The following ST18 variants were observed in gnomAD, a reference collection of about 807,000 sequenced individuals.
ST18 encodes suppression of tumorigenicity 18 protein.
A neutral mutation model predicts 110.0 loss-of-function variants in ST18; 50 were observed. The ratio of observed to expected loss-of-function variants is 0.45; its 90% confidence interval spans 0.36 to 0.58. The LOEUF is 0.58. ST18 is among the 20% of genes least tolerant of loss of function. ST18 has a pLI of 0.00. For synonymous variants in ST18, 461 were observed against 452.4 expected, an observed-to-expected ratio of 1.02 and a Z score of -0.24; for missense variants, 1,306 against 1,280.1, an observed-to-expected ratio of 1.02 and a Z score of -0.31.
intron 2 of ST18, among the ~76,000 whole-genome samples, chr8:52,318,578 T>C (rs896168386): frequency 1.3e-5 from 2 of 152,202 alleles, no homozygotes; most frequent in Admixed American, 6.5e-5. Context: ...ATTGTTCTAT[T>C]ATAAAGACAC....
At chr8:52,247,933 C>A (rs1321664754) in intron 2 of ST18, among the ~76,000 whole-genome samples, 1 of 152,106 alleles carries the variant, frequency 6.6e-6, no homozygotes, top group Non-Finnish European at 1.5e-5. Flanking sequence ...TAATTTCTGG[C>A]TATTGTTAAA....
chr8:52,311,126 G>T (rs186094742), intron 2 of ST18, among the ~76,000 whole-genome samples: 9 of 152,304 alleles, frequency 5.9e-5, no homozygotes, highest in Admixed American at 5.2e-4. Context: ...TAGGGAAGGG[G>T]TCCATTGTCA....
chr8:52,234,499 A>G (rs1347349973), intron 2 of ST18, among the ~76,000 whole-genome samples: 1 of 152,018 alleles, frequency 6.6e-6, no homozygotes, highest in African/African-American at 2.4e-5. Context: ...TCCTGACCTC[A>G]TAATCCATCC....
chr8:52,194,715 C>T (rs1005191719), intron 8 of ST18: 1 of 152,194 alleles, frequency 6.6e-6, no homozygotes, highest in African/African-American at 2.4e-5. Flanking sequence ...TTTTGCAAGA[C>T]AGTCAAAGAA....
At chr8:52,126,534 T>A (rs1309602068) in intron 22 of ST18, among the ~76,000 whole-genome samples, 1 of 152,234 alleles carries the variant, frequency 6.6e-6, no homozygotes, top group Non-Finnish European at 1.5e-5. Flanking sequence ...CAAAATTCCA[T>A]GAGTAATAAA....
At chr8:52,207,644 T>A (rs1020945563) in intron 8 of ST18, among the ~76,000 whole-genome samples, 1 of 152,134 alleles carries the variant, frequency 6.6e-6, no homozygotes, top group Non-Finnish European at 1.5e-5. Flanking sequence ...GAGAGAAACT[T>A]AAATTAAAAC....
chr8:52,209,787 AAATATAT>A (rs1359477809), intron 8 of ST18, among the ~76,000 whole-genome samples: 1 of 135,614 alleles, frequency 7.4e-6, no homozygotes, highest in African/African-American at 2.9e-5. Context: ...AAAAAAAAAA[AAATATAT>A]ATATATATAT....
chr8:52,359,250 G>A (rs1824580359), intron 2 of ST18, among the ~76,000 whole-genome samples: 2 of 151,950 alleles, frequency 1.3e-5, no homozygotes, highest in African/African-American at 4.8e-5. Flanking sequence ...GTGGTAAAAG[G>A]CATTTAAGCA....
chr8:52,145,116 C>G (rs2056800170), intron 16 of ST18, among the ~76,000 whole-genome samples: 1 of 150,520 alleles, frequency 6.6e-6, no homozygotes, highest in Admixed American at 6.6e-5. Context: ...TTATTTATGG[C>G]AAAGTTATGA....
intron 8 of ST18, among the ~76,000 whole-genome samples, chr8:52,191,290 G>T (rs1280940880): frequency 6.6e-6 from 1 of 152,198 alleles, no homozygotes; most frequent in African/African-American, 2.4e-5. Flanking sequence ...GTGCAGCAAA[G>T]AATTATGCAC....
At position 52,149,852 on chromosome 8, in the gene ST18, T is replaced by C. The variant is rs16917324; in HGVS notation, c.1932A>G (p.Pro644=). ...TGACCAGAATGCTGCTTGTTTTGAA[T>C]GGGGAAGAGGAAGGAGTTGGAATAG... ...NTSIPTPSSS[P]FKTSSILVNA... The change falls in exon 16 of 26, where the codon CCA becomes CCG. Residue 644 remains proline (P), a synonymous_variant. Transcript: ENST00000689386. The C allele has an allele frequency of 0.017, 27,797 of 1,614,106 alleles. 337 individuals are homozygous for C. Among genetic ancestry groups the C allele is most frequent in the Middle Eastern group, 0.032 (196 of 6,062 alleles).
intron 3 of ST18, among the ~76,000 whole-genome samples, chr8:52,226,439 G>A (rs1251040842): frequency 6.6e-6 from 1 of 152,112 alleles, no homozygotes; most frequent in African/African-American, 2.4e-5. Flanking sequence ...CTACAGAAAG[G>A]AAATGTTCAG....
At chr8:52,167,619 G>A (rs1374643255) in intron 10 of ST18, among the ~76,000 whole-genome samples, 2 of 152,236 alleles carry the variant, frequency 1.3e-5, no homozygotes, top group Non-Finnish European at 2.9e-5. Context: ...AGCATGCAGT[G>A]AGCACGGGGA....
chr8:52,318,527 C>A (rs1264201449), intron 2 of ST18, among the ~76,000 whole-genome samples: 1 of 152,116 alleles, frequency 6.6e-6, no homozygotes, highest in African/African-American at 2.4e-5. Flanking sequence ...ACCATTCAAC[C>A]CAGCAATCCC....
intron 2 of ST18, among the ~76,000 whole-genome samples, chr8:52,332,297 T>C (rs1237278847): frequency 6.6e-6 from 1 of 152,102 alleles, no homozygotes; most frequent in Non-Finnish European, 1.5e-5. Context: ...GCTGTATTGA[T>C]GCATGTTTTT....
chr8:52,199,537 C>A (rs2077260827), intron 8 of ST18: 1 of 152,156 alleles, frequency 6.6e-6, no homozygotes, highest in Admixed American at 6.5e-5. Flanking sequence ...TAGAAATAAA[C>A]AGAACATCAA....
chr8:52,333,275 A>G (rs1810451283), intron 2 of ST18, among the ~76,000 whole-genome samples: 1 of 151,890 alleles, frequency 6.6e-6, no homozygotes, highest in African/African-American at 2.4e-5. Flanking sequence ...ATTCTACTAA[A>G]TAAGACCTGC....
intron 8 of ST18, among the ~76,000 whole-genome samples, chr8:52,185,479 A>T (rs1286919070): frequency 6.6e-6 from 1 of 152,210 alleles, no homozygotes; most frequent in Non-Finnish European, 1.5e-5. Flanking sequence ...ATGTTGGAAA[A>T]GAACAACAAA....
At chr8:52,288,423 G>A (rs550649947) in intron 2 of ST18, among the ~76,000 whole-genome samples, 2 of 152,230 alleles carry the variant, frequency 1.3e-5, no homozygotes, top group African/African-American at 4.8e-5. Context: ...TTAATAGGCT[G>A]GGCATAGTAC....
Sources: gnomAD v4.1 joint callset for allele counts (sites outside exome capture counted in the v4.1 genomes callset) on GRCh38, gnomAD v4.1.1 for gene constraint, MANE v1.5 for transcripts, NCBI Gene and HGNC (gene_info 2026-07-23, HGNC 2026-07-21) for gene names.